Variants in PDE1A observed in about 807,000 individuals in gnomAD.
PDE1A encodes the protein dual specificity calcium/calmodulin-dependent 3',5'-cyclic nucleotide phosphodiesterase 1A.
In PDE1A, 35 loss-of-function variants were observed where a neutral mutation model predicts 61.7. The ratio of observed to expected loss-of-function variants is 0.57; its 90% CI spans 0.43 to 0.75. The LOEUF (loss-of-function observed/expected upper bound fraction) is 0.75. PDE1A is among the 30% of genes least tolerant of loss of function. The pLI is 0.00. For missense variants in PDE1A, 597 were observed against 630.6 expected (o/e 0.95, Z 0.57); for synonymous variants, 232 against 213.2 (o/e 1.09, Z -0.77).
At chr2:182,613,611 T>C in the PDE1A span, among the ~76,000 whole-genome samples, 1 of 152,132 alleles carries the variant, frequency 6.6e-6, no homozygotes, top group South Asian at 2.1e-4. Context: ...ACTTTGTTTT[T>C]ATACAGGGTT....
At chr2:182,219,876 T>C (rs1688573305) in intron 7 of PDE1A, among the ~76,000 whole-genome samples, 1 of 152,122 alleles carries the variant, frequency 6.6e-6, no homozygotes, top group East Asian at 1.9e-4. Context: ...TTACTATCTG[T>C]ATCTTATCAT....
chr2:182,279,895 T>C (rs1693687760), intron 1 of PDE1A, among the ~76,000 whole-genome samples: 1 of 151,922 alleles, frequency 6.6e-6, no homozygotes, highest in Admixed American at 6.6e-5. Context: ...TAAAATGGTA[T>C]GCTTATTCTG....
the PDE1A span, among the ~76,000 whole-genome samples, chr2:182,678,039 C>A: frequency 6.6e-6 from 1 of 152,102 alleles, no homozygotes; most frequent in African/African-American, 2.4e-5. Flanking sequence ...CCAGAAGCAC[C>A]CCTTTTAAAG....
At chr2:182,352,426 T>C (rs1220067668) in intron 1 of PDE1A, among the ~76,000 whole-genome samples, 1 of 152,200 alleles carries the variant, frequency 6.6e-6, no homozygotes, top group Non-Finnish European at 1.5e-5. Context: ...GCATCCATGA[T>C]GCCTTAAAAG....
the PDE1A span, among the ~76,000 whole-genome samples, chr2:182,575,303 T>C: frequency 1.2e-4 from 19 of 152,062 alleles, no homozygotes; most frequent in Non-Finnish European, 2.2e-4. Flanking sequence ...CTTACCTCCA[T>C]TGTGGAGGAG....
At chr2:182,167,799 G>T, downstream of PDE1A, 1 of 536,226 alleles carries the variant, frequency 1.9e-6, no homozygotes, top group Non-Finnish European at 2.4e-6. Flanking sequence ...CTATCCCTTA[G>T]GACAAATGGT....
chr2:182,588,111 C>A, the PDE1A span, among the ~76,000 whole-genome samples: 11 of 152,142 alleles, frequency 7.2e-5, no homozygotes, highest in Non-Finnish European at 1.3e-4. Context: ...ATTAAGTAAC[C>A]TTACTCAAAC....
chr2:182,455,349 C>A (rs1229225938), intron 2 of PDE1A, among the ~76,000 whole-genome samples: 3 of 152,018 alleles, frequency 2.0e-5, no homozygotes, highest in Non-Finnish European at 4.4e-5. Flanking sequence ...GTCAGTGTGG[C>A]GATTCCTCAG....
At chr2:182,519,306 G>T (rs1690411969) in intron 2 of PDE1A, among the ~76,000 whole-genome samples, 1 of 151,984 alleles carries the variant, frequency 6.6e-6, no homozygotes, top group Non-Finnish European at 1.5e-5. Context: ...TCTAATTTAT[G>T]AAAGACCTGA....
At chr2:182,439,517 G>C (rs1684655415) in intron 2 of PDE1A, among the ~76,000 whole-genome samples, 1 of 151,924 alleles carries the variant, frequency 6.6e-6, no homozygotes, top group Non-Finnish European at 1.5e-5. Flanking sequence ...GAAGTGGAGA[G>C]GGCGTCAAGT....
chr2:182,500,679 C>A (rs1260466334), intron 2 of PDE1A, among the ~76,000 whole-genome samples: 2 of 152,126 alleles, frequency 1.3e-5, no homozygotes, highest in East Asian at 3.8e-4. Flanking sequence ...ACATAACTCA[C>A]ATATAATTAT....
At chr2:182,488,906 G>C (rs1688196868) in intron 2 of PDE1A, among the ~76,000 whole-genome samples, 1 of 152,222 alleles carries the variant, frequency 6.6e-6, no homozygotes, top group South Asian at 2.1e-4. Flanking sequence ...GCCCTGGAAA[G>C]AGAGCATGTT....
chr2:182,458,560 A>T (rs1046566228), intron 2 of PDE1A, among the ~76,000 whole-genome samples: 2 of 152,046 alleles, frequency 1.3e-5, no homozygotes, highest in South Asian at 4.1e-4. Flanking sequence ...AATCTTCCCA[A>T]TAATGCCCTA....
At chr2:182,371,994 C>T (rs950338495) in intron 1 of PDE1A, among the ~76,000 whole-genome samples, 1 of 152,102 alleles carries the variant, frequency 6.6e-6, no homozygotes, top group Non-Finnish European at 1.5e-5. Flanking sequence ...TGAAGTCTTG[C>T]CATGTTGTCC....
chr2:182,295,167 C>T (rs376856169), intron 1 of PDE1A, among the ~76,000 whole-genome samples: 51 of 147,462 alleles, frequency 3.5e-4, no homozygotes, highest in Middle Eastern at 7.1e-3. Flanking sequence ...CTCTGCCTCC[C>T]GAGTTCACGC....
chr2:182,531,144 C>T, the PDE1A span, among the ~76,000 whole-genome samples: 108,990 of 151,378 alleles, frequency 0.72, 41,876 homozygotes, highest in East Asian at 0.99. Context: ...CTTAAAAATA[C>T]AGATATAGAT....
chr2:182,161,467 A>G (rs1248336254), intron 13 of PDE1A, among the ~76,000 whole-genome samples: 2 of 152,006 alleles, frequency 1.3e-5, no homozygotes, highest in African/African-American at 4.8e-5. Context: ...TGTCCTCTCC[A>G]CCTCCAGAGG....
the PDE1A span, among the ~76,000 whole-genome samples, chr2:182,601,893 T>C: frequency 3.9e-5 from 6 of 152,222 alleles, no homozygotes; most frequent in Admixed American, 6.5e-5. Flanking sequence ...GTCACACCAA[T>C]TGGTCCATGG....
At chr2:182,173,946 C>G (rs1692477035) in intron 13 of PDE1A, among the ~76,000 whole-genome samples, 1 of 151,860 alleles carries the variant, frequency 6.6e-6, no homozygotes, top group Non-Finnish European at 1.5e-5. Context: ...TCGTTACTTT[C>G]AAAAAATCAA....
Sources: allele counts gnomAD v4.1 joint callset (sites outside exome capture counted in the v4.1 genomes callset), GRCh38; gene constraint gnomAD v4.1.1; transcripts MANE v1.5; gene names NCBI Gene and HGNC (gene_info 2026-07-23, HGNC 2026-07-21).